The following SEM1 variants were observed in gnomAD, a reference collection of about 807,000 sequenced individuals.
SEM1 encodes 26S proteasome complex subunit SEM1.
In SEM1, 3 loss-of-function variants were observed where a neutral mutation model predicts 12.7. That is an observed-to-expected ratio of 0.24 (90% CI 0.11 to 0.61). The LOEUF (loss-of-function observed/expected upper bound fraction) is 0.61. Among genes scored for constraint, SEM1 ranks in the 20% least tolerant of loss-of-function variants. The probability of loss-of-function intolerance (pLI) is 0.88; values close to 1 mark genes in which losing one functional copy is unlikely to be tolerated. For synonymous variants in SEM1, 30 were observed against 27.8 expected (o/e 1.08, Z -0.25); for missense variants, 59 against 81.3 (o/e 0.73, Z 1.06).
intron 2 of SEM1, among the ~76,000 whole-genome samples, chr7:96,554,172 T>C (rs1805395057): frequency 1.3e-5 from 2 of 148,738 alleles, no homozygotes; most frequent in African/African-American, 5.0e-5. Context: ...CTTTTCCTCA[T>C]TGAATACCCT....
chr7:96,631,347 C>T (rs1409168833), intron 2 of SEM1, among the ~76,000 whole-genome samples: 1 of 152,088 alleles, frequency 6.6e-6, no homozygotes, highest in Non-Finnish European at 1.5e-5. Flanking sequence ...AATGCTCCCT[C>T]CATGGGTGAG....
In SEM1 at chr7:96,489,041, T is replaced by C. The variant is rs147799765; in HGVS notation, c.13-2624A>G. Among the ~76,000 whole-genome samples, 1,017 of 152,240 alleles carry C rather than the reference T, an allele frequency of 6.7e-3. 11 individuals carry two copies. The highest frequency in any genetic ancestry group is 0.023 in the African/African-American group (965 of 41,546). Reference sequence around the variant, plus strand: ...TGAATAGTAACAAAATTGTCAGGGCTGCCTGCACATTTGAAAACAGTATGT... The same window carrying C: ...TGAATAGTAACAAAATTGTCAGGGCCGCCTGCACATTTGAAAACAGTATGT... On this transcript the variant is annotated intron_variant, in intron 1 of 3. Transcript: ENST00000356686.
intron 2 of SEM1, among the ~76,000 whole-genome samples, chr7:96,691,114 T>C (rs118129259): frequency 0.01 from 1,535 of 152,174 alleles, 19 homozygotes; most frequent in Non-Finnish European, 0.014. Flanking sequence ...TGAAATAGGG[T>C]TGAGAAAAAT....
At chr7:96,703,754 T>C (rs1283952998) in intron 1 of SEM1, among the ~76,000 whole-genome samples, 3 of 151,996 alleles carry the variant, frequency 2.0e-5, no homozygotes, top group Non-Finnish European at 4.4e-5. Flanking sequence ...AGTACCAGCC[T>C]GGGCAACATA....
In SEM1 at chr7:96,667,268, C is replaced by T. The variant is rs181548564; in HGVS notation, c.170+27530G>A. ...TAGCCACAGCCTCAAGACCAAATTA[C>T]AGCCTTTGGCGGCCGGTTTCAGTCT... On this transcript the variant is annotated intron_variant, in intron 2 of 2. Coordinates refer to the SEM1 transcript ENST00000417009. 3.8e-3 allele frequency among the ~76,000 whole-genome samples: 576 copies of T among 152,280 alleles called. 21 individuals carry two copies. Among genetic ancestry groups the T allele is most frequent in the Admixed American group, 0.036 (550 of 15,276 alleles).
At chr7:96,694,758 T>G in intron 2 of SEM1, 40 bp downstream of exon 2, 1 of 1,260,106 alleles carries the variant, frequency 7.9e-7, no homozygotes, top group Non-Finnish European at 1.2e-6. Context: ...ATGCTTATAA[T>G]TAATACTGAA....
intron 2 of SEM1, among the ~76,000 whole-genome samples, chr7:96,585,974 C>T (rs1020602261): frequency 2.0e-5 from 3 of 152,074 alleles, no homozygotes; most frequent in African/African-American, 7.2e-5. Context: ...GTTCCTATTA[C>T]TCACCTTTCA....
intron 2 of SEM1, among the ~76,000 whole-genome samples, chr7:96,560,837 T>C (rs1415944115): frequency 6.6e-6 from 1 of 152,190 alleles, no homozygotes; most frequent in Non-Finnish European, 1.5e-5. Context: ...TTCCATTTGA[T>C]TTTAAATAAC....
At chr7:96,576,423 G>A (rs1806205717) in intron 2 of SEM1, among the ~76,000 whole-genome samples, 1 of 152,070 alleles carries the variant, frequency 6.6e-6, no homozygotes, top group Admixed American at 6.6e-5. Flanking sequence ...TTATTTGGAA[G>A]TATTTTCTTA....
intron 2 of SEM1, among the ~76,000 whole-genome samples, chr7:96,635,803 T>A (rs1052728873): frequency 2.6e-5 from 4 of 151,980 alleles, no homozygotes; most frequent in African/African-American, 9.7e-5. Flanking sequence ...AGAAAAAAAA[T>A]TACTTCAATT....
chr7:96,497,663 C>A (rs1182354920), upstream of SEM1, among the ~76,000 whole-genome samples: 1 of 151,738 alleles, frequency 6.6e-6, no homozygotes, highest in African/African-American at 2.4e-5. Flanking sequence ...ATCCTCCCAC[C>A]CTGAGCAACT....
At chr7:96,505,148 G>T (rs1005093412) in intron 3 of SEM1, among the ~76,000 whole-genome samples, 1 of 151,774 alleles carries the variant, frequency 6.6e-6, no homozygotes, top group Non-Finnish European at 1.5e-5. Flanking sequence ...TGTCCCCCAG[G>T]CTGGAGTGCA....
At chr7:96,671,013 T>C (rs1490639845), downstream of SEM1, among the ~76,000 whole-genome samples, 1 of 152,220 alleles carries the variant, frequency 6.6e-6, no homozygotes, top group Non-Finnish European at 1.5e-5. Context: ...TCCAAGGCTC[T>C]TGGTCTTCAC....
intron 2 of SEM1, among the ~76,000 whole-genome samples, chr7:96,652,508 A>G (rs530314791): frequency 1.3e-5 from 2 of 152,212 alleles, no homozygotes; most frequent in South Asian, 4.1e-4. Context: ...TTATTTATCT[A>G]GTATCAAGAT....
chr7:96,550,482 T>A (rs1805234583), intron 2 of SEM1, among the ~76,000 whole-genome samples: 1 of 152,204 alleles, frequency 6.6e-6, no homozygotes, highest in Admixed American at 6.5e-5. Context: ...TTTGCACTCA[T>A]CTGTTGGACA....
intron 2 of SEM1, among the ~76,000 whole-genome samples, chr7:96,548,142 A>G (rs1805159183): frequency 6.6e-6 from 1 of 152,126 alleles, no homozygotes; most frequent in South Asian, 2.1e-4. Flanking sequence ...TAATGTTTGT[A>G]GTTAGTTATA....
chr7:96,707,632 T>G (rs1790509196), intron 1 of SEM1, among the ~76,000 whole-genome samples: 2 of 152,214 alleles, frequency 1.3e-5, no homozygotes, highest in Non-Finnish European at 2.9e-5. Context: ...AGAATAATTT[T>G]TTTTTGCTTT....
At chr7:96,550,481 A>G (rs926651224) in intron 2 of SEM1, among the ~76,000 whole-genome samples, 5 of 152,176 alleles carry the variant, frequency 3.3e-5, no homozygotes, top group Non-Finnish European at 5.9e-5. Flanking sequence ...ATTTGCACTC[A>G]TCTGTTGGAC....
At chr7:96,692,005 A>G (rs1789944270) in intron 2 of SEM1, among the ~76,000 whole-genome samples, 1 of 152,224 alleles carries the variant, frequency 6.6e-6, no homozygotes, top group Non-Finnish European at 1.5e-5. Context: ...CTCAGGCAAA[A>G]AACAACAACA....
Sources: gnomAD v4.1 joint callset for allele counts (sites outside exome capture counted in the v4.1 genomes callset) on GRCh38, gnomAD v4.1.1 for gene constraint, MANE v1.5 for transcripts, NCBI Gene and HGNC (gene_info 2026-07-23, HGNC 2026-07-21) for gene names.